The following PAK4 variants were observed in gnomAD, a reference collection of about 807,000 sequenced individuals.
The protein encoded by PAK4 is p21 (RAC1) activated kinase 4.
In PAK4, 49 loss-of-function variants were observed where a neutral mutation model predicts 53.5. The ratio of observed to expected loss-of-function variants is 0.92; its 90% CI spans 0.73 to 1.16. PAK4 has a LOEUF of 1.16. PAK4 is among the 50% of genes most tolerant of loss of function. PAK4 has a pLI of 0.00. For missense variants in PAK4, 824 were observed against 850.7 expected, an observed-to-expected ratio of 0.97 and a Z score of 0.39; for synonymous variants, 376 against 375.6, an observed-to-expected ratio of 1.00 and a Z score of -0.01.
At chr19:39,147,841 GTTTTTTTT>G (rs35845376) in intron 1 of PAK4, among the ~76,000 whole-genome samples, 3 of 13,240 alleles carry the variant, frequency 2.3e-4, no homozygotes, top group African/African-American at 1.0e-3. Context: ...TTGTTTTCGG[GTTTTTTTT>G]TTTTTTTTTT....
At chr19:39,165,192 GATGATA>G (rs1474151573) in intron 1 of PAK4, among the ~76,000 whole-genome samples, 24 of 130,502 alleles carry the variant, frequency 1.8e-4, no homozygotes, top group South Asian at 5.4e-4. Flanking sequence ...TGATGATGAT[GATGATA>G]ATAATAATAA....
At chr19:39,164,415 G>A (rs1350333580) in intron 1 of PAK4, among the ~76,000 whole-genome samples, 2 of 152,162 alleles carry the variant, frequency 1.3e-5, no homozygotes, top group East Asian at 3.8e-4. Context: ...AGCACAGGCG[G>A]GCCTGGGAAG....
chr19:39,182,727 G>A (rs1024426138), downstream of PAK4: 19 of 151,916 alleles, frequency 1.3e-4, no homozygotes, highest in African/African-American at 4.4e-4. Flanking sequence ...GCTGAGGCAT[G>A]AGAATCACTT....
intron 1 of PAK4, among the ~76,000 whole-genome samples, chr19:39,163,554 AG>A (rs1373320018): frequency 1.3e-5 from 2 of 152,136 alleles, no homozygotes; most frequent in African/African-American, 4.8e-5. Flanking sequence ...CAGAGGATGC[AG>A]GGGGTGACTG....
At chr19:39,137,474 G>GT (rs2073836529) in intron 1 of PAK4, among the ~76,000 whole-genome samples, 1 of 152,136 alleles carries the variant, frequency 6.6e-6, no homozygotes, top group Non-Finnish European at 1.5e-5. Context: ...AGCTGCACCC[G>GT]TGTGACCCAT....
rs1005014027 is a variant in PAK4, at chr19:39,175,551, T to C, written c.1359+113T>C. 6.7e-6 allele frequency: 8 copies of C among 1,189,484 alleles called. No homozygotes were observed. The highest frequency in any genetic ancestry group is 2.0e-4 in the Middle Eastern group (1 of 4,888). 73.7% of individuals were successfully genotyped at this position (1,189,484 alleles called of 1,614,324 possible). A position where few individuals can be genotyped will look rare whatever the true frequency, so the allele number is the denominator to read the frequency against. ...GAGCTCTGACCCCCAGGTCTGTGTC[T>C]TGAGGAGCTGGGAACTTCGTCCCTC... On this transcript the variant is annotated intron_variant, in intron 6 of 8. Coordinates refer to ENST00000358301, the Ensembl canonical transcript of PAK4. This position sits in a 1 kb window ranked among gnomAD's most constrained non-coding sequence, Gnocchi z 4.7.
chr19:39,144,955 C>T (rs758045309), intron 1 of PAK4, among the ~76,000 whole-genome samples: 1 of 152,178 alleles, frequency 6.6e-6, no homozygotes, highest in Non-Finnish European at 1.5e-5. Flanking sequence ...GTAAAACCTC[C>T]ATGTTCAGTT....
chr19:39,147,468 G>C (rs692337), intron 1 of PAK4, among the ~76,000 whole-genome samples: 93,702 of 152,016 alleles, frequency 0.62, 29,109 homozygotes, highest in East Asian at 0.82. Context: ...CCTCGACAAA[G>C]AGGGTTTCGT....
At chr19:39,127,390 G>A (rs1369481366) in intron 1 of PAK4, among the ~76,000 whole-genome samples, 1 of 151,878 alleles carries the variant, frequency 6.6e-6, no homozygotes, top group Non-Finnish European at 1.5e-5. Flanking sequence ...TCTCACTGAC[G>A]GGTCGCTCAC....
Position 39,150,212 on chromosome 19 carries a change from G to C in PAK4, c.-22-19320G>C, listed in dbSNP as rs544206136. On this transcript the variant is annotated intron_variant, in intron 1 of 8. Transcript: ENST00000358301. ...GCTGTGACTGTCCCACCCCATCTGG[G>C]TTACTTGCTGCAGCGCTGGGAGAGG... is the stretch of plus-strand genomic sequence containing the variant. 3.3e-5 allele frequency among the ~76,000 whole-genome samples: 5 copies of C among 152,114 alleles called. No homozygotes were observed. In the South Asian group the frequency reaches 1.0e-3, roughly 32 times the overall value.
chr19:39,137,674 T>C lies in PAK4; in HGVS notation c.-23+11755T>C, dbSNP rs114816177. Reference sequence around the variant, plus strand: ...GGCCAGTTCAGGTCACTTTCCTTTTTTTTTTTTTTTGAGACAGAGTCTCAC... The same window carrying C: ...GGCCAGTTCAGGTCACTTTCCTTTTCTTTTTTTTTTGAGACAGAGTCTCAC... On this transcript the variant is annotated intron_variant, in intron 1 of 8. Coordinates refer to ENST00000358301, the Ensembl canonical transcript of PAK4. Among the ~76,000 whole-genome samples the C allele has an allele frequency of 6.4e-3, 976 of 151,938 alleles. 11 individuals are homozygous for C. The highest frequency in any genetic ancestry group is 0.022 in the African/African-American group (899 of 41,458).
chr19:39,147,191 A>G (rs1418985114), intron 1 of PAK4, among the ~76,000 whole-genome samples: 1 of 152,064 alleles, frequency 6.6e-6, no homozygotes, highest in Non-Finnish European at 1.5e-5. Flanking sequence ...ACCTCTGGCA[A>G]CCACTCATCT....
chr19:39,173,210 G>A lies in PAK4; in HGVS notation c.497G>A (p.Gly166Asp). 2.6e-6 allele frequency: 4 copies of A among 1,555,636 alleles called. No homozygotes were observed. The highest frequency in any genetic ancestry group is 2.4e-5 in the East Asian group (1 of 41,708). The change falls in exon 3 of 9, where the codon GGC (glycine) becomes GAC (aspartate). Residue 166 changes from glycine to aspartate, a missense_variant. This residue lies in a region of PAK4 where 478 missense variants were observed against 435.8 expected (regional missense o/e 1.10). Transcript: ENST00000358301. This position sits in a 1 kb window ranked among gnomAD's most constrained non-coding sequence, Gnocchi z 6.9. ...AAGAGGCCCAAGTCTTCCAGGGAGG[G>A]CTCAGGGGGTCCCCAGGAGTCCTCC...
In PAK4 at chr19:39,137,915, C is replaced by G. The variant is rs138369769; in HGVS notation, c.-23+11996C>G. Among the ~76,000 whole-genome samples, 156 of 152,030 alleles carry G rather than the reference C, an allele frequency of 1.0e-3. 3 individuals carry two copies. In the East Asian group the frequency reaches 0.028, roughly 27 times the overall value. On this transcript the variant is annotated intron_variant, in intron 1 of 8. Coordinates refer to ENST00000358301, the Ensembl canonical transcript of PAK4. Reference sequence around the variant, plus strand: ...TCTCCTGACCTTGTGATCCGCCCACCTTGGCCTCCCAAAGTGCTGGGATTA... The same window carrying G: ...TCTCCTGACCTTGTGATCCGCCCACGTTGGCCTCCCAAAGTGCTGGGATTA...
intron 1 of PAK4, among the ~76,000 whole-genome samples, chr19:39,144,705 A>C (rs1274218315): frequency 6.6e-6 from 1 of 152,092 alleles, no homozygotes; most frequent in Non-Finnish European, 1.5e-5. Context: ...ACAGGCCAGG[A>C]GTTACAAGGG....
At chr19:39,140,352 C>A (rs930711188) in intron 1 of PAK4, among the ~76,000 whole-genome samples, 1 of 152,108 alleles carries the variant, frequency 6.6e-6, no homozygotes, top group Non-Finnish European at 1.5e-5. Flanking sequence ...GCTCCTGACA[C>A]GTGGAGTCTG....
At chr19:39,152,829 G>A (rs1284790328) in intron 1 of PAK4, among the ~76,000 whole-genome samples, 1 of 152,142 alleles carries the variant, frequency 6.6e-6, no homozygotes, top group Non-Finnish European at 1.5e-5. Flanking sequence ...GGGAACTGCT[G>A]TATATATAGT....
intron 1 of PAK4, among the ~76,000 whole-genome samples, chr19:39,162,946 C>G (rs547669570): frequency 6.6e-6 from 1 of 151,970 alleles, no homozygotes; most frequent in South Asian, 2.1e-4. Flanking sequence ...TGTGGGAGGC[C>G]TGAAGAGAGA....
chr19:39,157,660 A>G (rs1012700591), intron 1 of PAK4, among the ~76,000 whole-genome samples: 5 of 152,090 alleles, frequency 3.3e-5, no homozygotes, highest in African/African-American at 1.2e-4. Flanking sequence ...CCCCTGCCCC[A>G]CGGCAAGCAA....
Sources: allele counts gnomAD v4.1 joint callset (sites outside exome capture counted in the v4.1 genomes callset), GRCh38; gene constraint gnomAD v4.1.1; regional missense constraint gnomAD v4.1.1; non-coding constraint Gnocchi (gnomAD v3.1); transcripts MANE v1.5; gene names NCBI Gene and HGNC (gene_info 2026-07-23, HGNC 2026-07-21).